MED12L: variants seen among roughly 807,000 people sequenced by gnomAD.
The protein encoded by MED12L is mediator of RNA polymerase II transcription subunit 12-like protein.
Under a neutral mutation model 281.3 loss-of-function variants are expected in MED12L, and 60 were observed. The observed-to-expected ratio is 0.21, with a 90% CI of 0.17 to 0.26. The LOEUF (loss-of-function observed/expected upper bound fraction) is 0.26, where lower values mean the gene tolerates loss of function less well. MED12L is among the 10% of genes least tolerant of loss of function. The pLI, the probability that MED12L is intolerant of heterozygous loss-of-function variation, is 1.00. For synonymous variants in MED12L, 974 were observed against 987.2 expected, an observed-to-expected ratio of 0.99 and a Z score of 0.25; for missense variants, 2,146 against 2,680.9, an observed-to-expected ratio of 0.80 and a Z score of 4.41.
intron 2 of MED12L, among the ~76,000 whole-genome samples, chr3:151,111,155 T>C (rs1396428414): frequency 6.6e-6 from 1 of 152,246 alleles, no homozygotes; most frequent in Non-Finnish European, 1.5e-5. Flanking sequence ...AAGGAAAGGG[T>C]CTTTTTATTT....
intron 16 of MED12L, among the ~76,000 whole-genome samples, chr3:151,210,712 C>T (rs1232598784): frequency 6.6e-6 from 1 of 152,200 alleles, no homozygotes; most frequent in African/African-American, 2.4e-5. Context: ...ATTCTATCTG[C>T]AGGTATATTT....
chr3:151,130,092 C>T (rs967204928), intron 5 of MED12L, among the ~76,000 whole-genome samples: 1 of 152,114 alleles, frequency 6.6e-6, no homozygotes, highest in Non-Finnish European at 1.5e-5. Context: ...ATTAATACTT[C>T]TCCCCAGGAC....
At chr3:151,167,953 G>A (rs570637698) in intron 11 of MED12L, among the ~76,000 whole-genome samples, 2 of 152,254 alleles carry the variant, frequency 1.3e-5, no homozygotes, top group Admixed American at 6.5e-5. Context: ...GTTTCCTGGT[G>A]AGGGTTTTAC....
chr3:151,284,669 C>T (rs1336291393), intron 16 of MED12L, among the ~76,000 whole-genome samples: 3 of 152,258 alleles, frequency 2.0e-5, no homozygotes, highest in Non-Finnish European at 2.9e-5. Context: ...AGTGCAATGG[C>T]GTGATCTCAG....
chr3:151,216,743 C>T (rs771697335), intron 16 of MED12L, among the ~76,000 whole-genome samples: 27 of 152,150 alleles, frequency 1.8e-4, no homozygotes, highest in Non-Finnish European at 2.9e-4. Flanking sequence ...GGTCTTCTAT[C>T]GCCTTTCTCC....
chr3:151,199,518 T>G, intron 16 of MED12L: 1 of 727,810 alleles, frequency 1.4e-6, no homozygotes, highest in Non-Finnish European at 2.2e-6. Flanking sequence ...GTCTTCACAA[T>G]ACCGTTGTCT....
At chr3:151,200,536 G>C (rs1725401148) in intron 16 of MED12L, among the ~76,000 whole-genome samples, 1 of 152,190 alleles carries the variant, frequency 6.6e-6, no homozygotes, top group African/African-American at 2.4e-5. Flanking sequence ...TTTAATAAGA[G>C]AATAAAACTT....
intron 4 of MED12L, among the ~76,000 whole-genome samples, chr3:151,126,430 T>C (rs1391522691): frequency 1.3e-5 from 2 of 152,128 alleles, no homozygotes; most frequent in Admixed American, 1.3e-4. Context: ...CCAGGTGAAA[T>C]AGTTTGCTTG....
chr3:151,231,973 C>T (rs973839909), intron 16 of MED12L, among the ~76,000 whole-genome samples: 1 of 152,130 alleles, frequency 6.6e-6, no homozygotes, highest in East Asian at 1.9e-4. Context: ...CTGATATATG[C>T]ATGCCTATAT....
intron 16 of MED12L, among the ~76,000 whole-genome samples, chr3:151,298,931 C>T (rs1745488596): frequency 6.6e-6 from 1 of 152,200 alleles, no homozygotes; most frequent in Non-Finnish European, 1.5e-5. Flanking sequence ...TTCATCAATG[C>T]AGAAAGTTCT....
At chr3:151,088,374 A>G (rs1266149005) in intron 2 of MED12L, among the ~76,000 whole-genome samples, 1 of 152,162 alleles carries the variant, frequency 6.6e-6, no homozygotes, top group African/African-American at 2.4e-5. Context: ...CCAACTTAGA[A>G]TGAAGTTAAT....
intron 16 of MED12L, among the ~76,000 whole-genome samples, chr3:151,309,916 G>A (rs908903835): frequency 6.6e-6 from 1 of 151,608 alleles, no homozygotes; most frequent in African/African-American, 2.4e-5. Flanking sequence ...TTTTTTTTCT[G>A]CCTTCTGAAG....
chr3:151,376,028 A>G lies in MED12L; in HGVS notation c.3867A>G (p.Glu1289=). ...RYVLRTICQQ[E]WVGEHCLKEP... ...TCTAATTGCCATATTATTTTTAGGA[A>G]TGGGTAGGAGAGCATTGCTTAAAAG... The change falls in exon 28 of 45, where the codon GAA becomes GAG. Residue 1289 remains glutamate (E), a splice_region_variant and synonymous_variant. Coordinates refer to ENST00000687756, the MANE Select transcript of MED12L (RefSeq NM_001393769.1). 2 of 1,541,636 alleles carry G rather than the reference A, an allele frequency of 1.3e-6. No homozygotes were observed. Among genetic ancestry groups the G allele is most frequent in the Non-Finnish European group, 1.7e-6 (2 of 1,145,976 alleles).
At chr3:151,219,816 T>C (rs181207662) in intron 16 of MED12L, among the ~76,000 whole-genome samples, 1 of 152,026 alleles carries the variant, frequency 6.6e-6, no homozygotes, top group East Asian at 1.9e-4. Context: ...ATTATTGATT[T>C]GGTTGCAGCC....
chr3:151,213,316 CTT>C (rs1387816585), intron 16 of MED12L: 2 of 1,608,594 alleles, frequency 1.2e-6, no homozygotes, highest in Non-Finnish European at 1.7e-6. Context: ...AGTATCTGTG[CTT>C]TCAAGTGTTG....
intron 5 of MED12L, among the ~76,000 whole-genome samples, chr3:151,132,137 A>G (rs192023313): frequency 1.3e-5 from 2 of 152,334 alleles, no homozygotes; most frequent in East Asian, 1.9e-4. Flanking sequence ...AGACAGGCCA[A>G]AGGCTAAAAA....
At chr3:151,415,600 A>G (rs1488520118) in intron 42 of MED12L, among the ~76,000 whole-genome samples, 1 of 152,264 alleles carries the variant, frequency 6.6e-6, no homozygotes, top group Non-Finnish European at 1.5e-5. Flanking sequence ...AGATGAAGAA[A>G]TGTCTAGACT....
chr3:151,300,920 A>G (rs1430991530), intron 16 of MED12L, among the ~76,000 whole-genome samples: 1 of 152,146 alleles, frequency 6.6e-6, no homozygotes, highest in Non-Finnish European at 1.5e-5. Flanking sequence ...TCTGTTTGCA[A>G]ATATCACATG....
intron 16 of MED12L, chr3:151,270,196 C>CCT (rs71621430): frequency 7.7e-6 from 1 of 129,646 alleles, no homozygotes; most frequent in Admixed American, 8.7e-5. Flanking sequence ...AGCAAGCTGT[C>CCT]GTGTGTGTGT....
Sources: allele counts gnomAD v4.1 joint callset (sites outside exome capture counted in the v4.1 genomes callset), GRCh38; gene constraint gnomAD v4.1.1; transcripts MANE v1.5; gene names NCBI Gene and HGNC (gene_info 2026-07-23, HGNC 2026-07-21).